Variants in SH2D1B observed in about 807,000 individuals in gnomAD.
The protein encoded by SH2D1B is SH2 domain containing 1B.
A neutral mutation model predicts 16.3 loss-of-function variants in SH2D1B; 11 were observed. The observed-to-expected ratio is 0.67, with a 90% CI of 0.42 to 1.11. The LOEUF (loss-of-function observed/expected upper bound fraction) is 1.11. Among genes scored for constraint, SH2D1B ranks in the 50% most tolerant of loss-of-function variants. SH2D1B has a pLI of 0.00. For synonymous variants in SH2D1B, 55 were observed against 56.1 expected, an observed-to-expected ratio of 0.98 and a Z score of 0.09; for missense variants, 123 against 153.1, an observed-to-expected ratio of 0.80 and a Z score of 1.04.
At chr1:162,406,076 A>G (rs1648648096) in intron 1 of SH2D1B, among the ~76,000 whole-genome samples, 1 of 152,242 alleles carries the variant, frequency 6.6e-6, no homozygotes, top group African/African-American at 2.4e-5. Flanking sequence ...TGGGAAATCC[A>G]AGTCAACAAA....
At chr1:162,411,054 C>G (rs1352872533) in intron 1 of SH2D1B, among the ~76,000 whole-genome samples, 1 of 152,050 alleles carries the variant, frequency 6.6e-6, no homozygotes, top group East Asian at 1.9e-4. Flanking sequence ...CTCCTGGGTT[C>G]AAGTGATTCT....
intron 3 of SH2D1B, 49 bp from the exon 4 acceptor site, chr1:162,397,364 G>C (rs1373659020): frequency 1.2e-6 from 2 of 1,605,310 alleles, no homozygotes; most frequent in Admixed American, 3.3e-5. Flanking sequence ...ACCACACCCA[G>C]AAGTCATATC....
chr1:162,405,284 T>A (rs1648626894), intron 1 of SH2D1B, among the ~76,000 whole-genome samples: 1 of 152,224 alleles, frequency 6.6e-6, no homozygotes, highest in Non-Finnish European at 1.5e-5. Context: ...GGAGGTATGT[T>A]GATGAGAAAT....
intron 1 of SH2D1B, among the ~76,000 whole-genome samples, chr1:162,403,525 T>A (rs200535140): frequency 0.076 from 3,538 of 46,576 alleles, 148 homozygotes; most frequent in Non-Finnish European, 0.12. Context: ...TATATATATA[T>A]ATATATATAT....
rs1288069180 is a variant in SH2D1B at position 162,402,720 on chromosome 1, TCGTCCTTTTTGTTCTTA to T, written c.198+2_198+18del. 2 of 1,604,600 alleles carry T rather than the reference TCGTCCTTTTTGTTCTTA, an allele frequency of 1.2e-6. No homozygotes were observed. The highest frequency in any genetic ancestry group is 2.7e-5 in the African/African-American group (2 of 74,746). On this transcript the variant is annotated splice_donor_variant and splice_donor_5th_base_variant and intron_variant, in intron 2 of 3. Transcript: ENST00000367929. LOFTEE classifies it high-confidence loss of function. ...CCCAACTTTTGTGTTGTTGTTGTTG[TCGTCCTTTTTGTTCTTA>T]CCTGTATCCTGTAATACCCGTGTTT...
intron 1 of SH2D1B, among the ~76,000 whole-genome samples, chr1:162,408,557 C>T (rs549647269): frequency 3.8e-4 from 57 of 151,656 alleles, no homozygotes; most frequent in Non-Finnish European, 6.9e-4. Context: ...GGACTACAGG[C>T]GCATGCCACC....
At chr1:162,407,114 C>T (rs1415098247) in intron 1 of SH2D1B, among the ~76,000 whole-genome samples, 1 of 152,240 alleles carries the variant, frequency 6.6e-6, no homozygotes, top group Non-Finnish European at 1.5e-5. Context: ...ACAGTATTTT[C>T]ATCACTAAAT....
chr1:162,397,325 G>C lies in SH2D1B; in HGVS notation c.364-10C>G. On this transcript the variant is annotated splice_polypyrimidine_tract_variant and intron_variant, in intron 3 of 3. Transcript: ENST00000367929. ...AATCGCTGTTACTGTTCTTTGGAGG[G>C]AAAAAAAAAGCAGAAGACCAGCCAT... is the stretch of plus-strand genomic sequence containing the variant. The C allele has an allele frequency of 1.3e-6, 2 of 1,582,806 alleles. No individual in the cohort carries two copies. Among genetic ancestry groups the C allele is most frequent in the Non-Finnish European group, 1.7e-6 (2 of 1,158,790 alleles).
At chr1:162,410,430 A>G (rs1486620643) in intron 1 of SH2D1B, among the ~76,000 whole-genome samples, 1 of 152,130 alleles carries the variant, frequency 6.6e-6, no homozygotes, top group African/African-American at 2.4e-5. Flanking sequence ...ATAATTTAAC[A>G]AGTGACATTG....
chr1:162,399,032 T>C lies in SH2D1B; in HGVS notation c.254A>G (p.Lys85Arg), dbSNP rs1648445585. ...VFPSLKELISKFEKPNQGMVV... is the reference protein window; with the variant it reads ...VFPSLKELISRFEKPNQGMVV... ...CATCCCCTGATTTGGTTTTTCAAAT[T>C]TGGAGATCAGTTCCTTTAGGCTTGG... is the stretch of plus-strand genomic sequence containing the variant. Residue 85 changes from lysine (K) to arginine (R), a missense_variant, in exon 3 of 4, where the codon AAA becomes AGA. Coordinates refer to ENST00000367929, the MANE Select transcript of SH2D1B (RefSeq NM_053282.5). 2.5e-6 allele frequency: 4 copies of C among 1,614,026 alleles called. No homozygotes were observed. The highest frequency in any genetic ancestry group is 1.6e-4 in the Middle Eastern group (1 of 6,082).
intron 1 of SH2D1B, among the ~76,000 whole-genome samples, chr1:162,405,356 C>T (rs55740620): frequency 6.6e-6 from 1 of 151,976 alleles, no homozygotes; most frequent in Non-Finnish European, 1.5e-5. Flanking sequence ...TGGCTGTGTT[C>T]GTTTCATAAG....
intron 3 of SH2D1B, among the ~76,000 whole-genome samples, chr1:162,398,561 T>C (rs1648433205): frequency 6.6e-6 from 1 of 152,178 alleles, no homozygotes. Flanking sequence ...AGTGTAACAG[T>C]ATACGCTTTG....
chr1:162,406,994 G>T (rs1648665817), intron 1 of SH2D1B, among the ~76,000 whole-genome samples: 1 of 152,196 alleles, frequency 6.6e-6, no homozygotes, highest in South Asian at 2.1e-4. Flanking sequence ...TACATTGTAA[G>T]ATCAGAAAAC....
rs552481234 is a variant in SH2D1B, at chr1:162,400,713, C to T, written c.199-1626G>A. ...CTGTAATCCCAGCCCTTTGGGAGGC[C>T]AAGGTGGGTGGATCACTTGAGGTCA... is the stretch of plus-strand genomic sequence containing the variant. On this transcript the variant is annotated intron_variant, in intron 2 of 3. Transcript: ENST00000367929. Among the ~76,000 whole-genome samples, 316 of 151,842 alleles carry T rather than the reference C, an allele frequency of 2.1e-3. 1 individual carries two copies. The highest frequency in any genetic ancestry group is 3.8e-3 in the Non-Finnish European group (257 of 67,948).
Position 162,397,091 on chromosome 1 carries a change from T to C in SH2D1B, c.*189A>G. The C allele has an allele frequency of 1.7e-6, 1 of 591,212 alleles. No homozygotes were observed. The highest frequency in any genetic ancestry group is 3.0e-6 in the Non-Finnish European group (1 of 330,674). The allele number at this position is 591,212 out of a possible 1,614,324, so 36.6% of individuals were successfully genotyped here. A position where few individuals can be genotyped will look rare whatever the true frequency, so the allele number is the denominator to read the frequency against. On this transcript the variant is annotated 3_prime_UTR_variant, in exon 4 of 4. Coordinates refer to ENST00000367929, the MANE Select transcript of SH2D1B (RefSeq NM_053282.5). ...GAGGGTTTTGAAATTGCTCCTGGTA[T>C]ATGTCTGGGAGGCGGGGATGTGGAG...
In SH2D1B at chr1:162,396,620, C is replaced by T; in HGVS notation, c.*660G>A. The T allele has an allele frequency of 6.5e-6, 1 of 152,762 alleles. No individual in the cohort carries two copies. The highest frequency in any genetic ancestry group is 1.5e-5 in the Non-Finnish European group (1 of 68,418). 9.5% of individuals were successfully genotyped at this position (152,762 alleles called of 1,614,324 possible). ...AACCAGGGAGAAAGTGTGGCTGGGGCAATGCTCACCAGGAAGTTTAAGATT... is the reference window on the plus strand; with the variant it reads ...AACCAGGGAGAAAGTGTGGCTGGGGTAATGCTCACCAGGAAGTTTAAGATT... On this transcript the variant is annotated 3_prime_UTR_variant, in exon 4 of 4. Transcript: ENST00000367929.
intron 2 of SH2D1B, among the ~76,000 whole-genome samples, chr1:162,400,921 C>G (rs1441811368): frequency 6.6e-6 from 1 of 152,132 alleles, no homozygotes; most frequent in Non-Finnish European, 1.5e-5. Flanking sequence ...GCACTCCAGT[C>G]TGGGTGACAG....
intron 1 of SH2D1B, among the ~76,000 whole-genome samples, chr1:162,409,107 T>TAAAA (rs67639233): frequency 7.1e-6 from 1 of 141,574 alleles, no homozygotes; most frequent in African/African-American, 2.6e-5. Flanking sequence ...AGACCCTGTC[T>TAAAA]AAAAAAAAAA....
At chr1:162,405,521 A>G (rs1406501362) in intron 1 of SH2D1B, among the ~76,000 whole-genome samples, 3 of 152,352 alleles carry the variant, frequency 2.0e-5, no homozygotes, top group South Asian at 2.1e-4. Context: ...TTCCTTATAC[A>G]TATGTGCTTT....
Sources: allele counts gnomAD v4.1 joint callset (sites outside exome capture counted in the v4.1 genomes callset), GRCh38; gene constraint gnomAD v4.1.1; transcripts MANE v1.5; gene names NCBI Gene and HGNC (gene_info 2026-07-23, HGNC 2026-07-21).